LAMA2: variants seen among roughly 807,000 people sequenced by gnomAD.
LAMA2 encodes the protein laminin subunit alpha 2.
In LAMA2, 269 loss-of-function variants were observed where a neutral mutation model predicts 364.8. The ratio of observed to expected loss-of-function variants is 0.74; its 90% confidence interval spans 0.67 to 0.82. LAMA2 has a LOEUF of 0.82. Among genes scored for constraint, LAMA2 ranks in the 40% least tolerant of loss-of-function variants. The pLI is 0.00. For synonymous variants in LAMA2, 1,379 were observed against 1,370.6 expected, an observed-to-expected ratio of 1.01 and a Z score of -0.14; for missense variants, 3,807 against 3,873.2, an observed-to-expected ratio of 0.98 and a Z score of 0.45.
chr6:129,440,725 C>A, intron 42 of LAMA2, 91 bp from the exon 43 acceptor site: 1 of 1,136,318 alleles, frequency 8.8e-7, no homozygotes. Flanking sequence ...TGTCCGAGGT[C>A]AGCCAGCCAC....
chr6:129,077,682 C>A (rs1296392769), intron 3 of LAMA2, among the ~76,000 whole-genome samples: 1 of 152,154 alleles, frequency 6.6e-6, no homozygotes, highest in Admixed American at 6.5e-5. Flanking sequence ...ATATATCTTT[C>A]TTTTAAGAGA....
chr6:129,442,798 A>G (rs778382633), intron 43 of LAMA2: 4 of 476,802 alleles, frequency 8.4e-6, no homozygotes, highest in African/African-American at 4.0e-5. Context: ...TTAATTATCT[A>G]TAAATATTAA....
At chr6:129,355,186 G>A (rs974134026) in intron 32 of LAMA2, among the ~76,000 whole-genome samples, 1 of 152,112 alleles carries the variant, frequency 6.6e-6, no homozygotes, top group African/African-American at 2.4e-5. Flanking sequence ...TAATTATGCT[G>A]TATAGATTTT....
Position 129,098,934 on chromosome 6 carries a change from G to A in LAMA2, c.639+519G>A, listed in dbSNP as rs371765568. Among the ~76,000 whole-genome samples, 27 of 152,264 alleles carry A rather than the reference G, an allele frequency of 1.8e-4. 1 individual carries two copies. The South Asian group carries it at 5.4e-3, about 30-fold the overall frequency. ...AGGCTTTGTGGAACAGTAATGTGCA[G>A]GAAGTCTTAGGTTCTCAGTGATGTG... On this transcript the variant is annotated intron_variant, in intron 4 of 64. Transcript: ENST00000421865.
In LAMA2 at chr6:129,460,272, G is replaced by A; in HGVS notation, c.6940G>A (p.Gly2314Ser). ...GETYFDNKPIGLWNFREKEGD... is the reference protein window; with the variant it reads ...GETYFDNKPISLWNFREKEGD... ...AACATACTTTGACAACAAACCTATA[G>A]GTTTGTGGAATTTCCGAGAAAAAGA... Residue 2314 changes from glycine (G) to serine (S), a missense_variant, in exon 49 of 65, where the codon GGT (glycine) becomes AGT (serine). By Grantham distance (56) the Gly-to-Ser change is moderately conservative (BLOSUM62 0). Coordinates refer to ENST00000421865, the MANE Select transcript of LAMA2 (RefSeq NM_000426.4). 6.2e-7 allele frequency: 1 copy of A among 1,612,266 alleles called. No homozygotes were observed. Among genetic ancestry groups the A allele is most frequent in the Non-Finnish European group, 8.5e-7 (1 of 1,178,740 alleles).
intron 62 of LAMA2, among the ~76,000 whole-genome samples, chr6:129,511,844 CTCTT>C (rs1461745088): frequency 2.6e-5 from 4 of 152,024 alleles, no homozygotes; most frequent in Non-Finnish European, 2.9e-5. Flanking sequence ...TACAGTTTCT[CTCTT>C]TATTAATAAA....
chr6:129,323,765 C>T (rs975323718), intron 28 of LAMA2, among the ~76,000 whole-genome samples: 1 of 152,146 alleles, frequency 6.6e-6, no homozygotes, highest in African/African-American at 2.4e-5. Context: ...TTCAGCCTTG[C>T]GTGTGCAGCT....
At chr6:129,099,454 G>T (rs1003770295) in intron 4 of LAMA2, among the ~76,000 whole-genome samples, 2 of 151,886 alleles carry the variant, frequency 1.3e-5, no homozygotes, top group African/African-American at 4.8e-5. Context: ...TATTTCTTTA[G>T]TATGTTTCCC....
chr6:129,353,377 TGTTA>T lies in LAMA2; in HGVS notation c.4717+24_4717+27del. The T allele has an allele frequency of 6.2e-7, 1 of 1,604,624 alleles. No homozygotes were observed. The highest frequency in any genetic ancestry group is 8.5e-7 in the Non-Finnish European group (1 of 1,172,170). On this transcript the variant is annotated intron_variant, in intron 32 of 64. Transcript: ENST00000421865. ...GTGTTTGTACGTATACTAACTTTGC[TGTTA>T]GTTTTGGAGGCCTTGATTCCAGTTC... is the stretch of plus-strand genomic sequence containing the variant.
At chr6:128,887,281 T>A (rs1232608388) in intron 1 of LAMA2, among the ~76,000 whole-genome samples, 3 of 152,174 alleles carry the variant, frequency 2.0e-5, no homozygotes, top group Non-Finnish European at 4.4e-5. Context: ...TTAATTTTTT[T>A]AAATATTTTT....
chr6:129,150,406 A>T (rs1372981864), intron 7 of LAMA2, among the ~76,000 whole-genome samples: 2 of 152,156 alleles, frequency 1.3e-5, no homozygotes, highest in Non-Finnish European at 2.9e-5. Context: ...GAATATCAGT[A>T]ATCATAAGTG....
chr6:128,978,345 CT>C lies in LAMA2; in HGVS notation c.113-71570del, dbSNP rs776971952. Among the ~76,000 whole-genome samples, 11 of 147,586 alleles carry C rather than the reference CT, an allele frequency of 7.5e-5. No homozygotes were observed. The South Asian group carries it at 1.1e-3, about 14-fold the overall frequency. ...TAAGCAAAAGTACCTGCCCTTCTTT[CT>C]TTCTTTTTTTTTTTTTTTTTTGAGA... On this transcript the variant is annotated intron_variant, in intron 1 of 64. Coordinates refer to ENST00000421865, the MANE Select transcript of LAMA2 (RefSeq NM_000426.4).
At chr6:129,481,509 T>A (rs887169093) in intron 55 of LAMA2, 70 bp downstream of exon 55, 47 of 1,303,506 alleles carry the variant, frequency 3.6e-5, no homozygotes, top group Non-Finnish European at 5.2e-5. Flanking sequence ...TACTTTTGTA[T>A]TTTTAGTTTC....
At chr6:129,474,546 A>G (rs1783975023) in intron 52 of LAMA2, among the ~76,000 whole-genome samples, 1 of 152,168 alleles carries the variant, frequency 6.6e-6, no homozygotes, top group African/African-American at 2.4e-5. Context: ...TTGAGTATCT[A>G]CTATGTGACA....
At chr6:129,513,457 G>A (rs1306914318) in intron 63 of LAMA2, among the ~76,000 whole-genome samples, 1 of 152,080 alleles carries the variant, frequency 6.6e-6, no homozygotes, top group East Asian at 1.9e-4. Flanking sequence ...TTCTCACCAA[G>A]CTCCTTTTAC....
At chr6:129,267,310 A>G in intron 16 of LAMA2, 91 bp downstream of exon 16, 1 of 867,274 alleles carries the variant, frequency 1.2e-6, no homozygotes, top group South Asian at 1.3e-5. Flanking sequence ...GGGGACCTTA[A>G]ACACTTGAGT....
chr6:129,262,099 C>G (rs1787178032), intron 15 of LAMA2, among the ~76,000 whole-genome samples: 1 of 152,072 alleles, frequency 6.6e-6, no homozygotes, highest in Non-Finnish European at 1.5e-5. Context: ...TATACAAATT[C>G]TAAGTGCCCA....
chr6:129,449,229 C>T (rs1295394987), intron 45 of LAMA2, among the ~76,000 whole-genome samples: 2 of 152,208 alleles, frequency 1.3e-5, no homozygotes, highest in African/African-American at 4.8e-5. Flanking sequence ...TAGTCCACTT[C>T]ATGCTGCTGT....
At chr6:129,242,507 C>T (rs1785462066) in intron 12 of LAMA2, among the ~76,000 whole-genome samples, 1 of 151,862 alleles carries the variant, frequency 6.6e-6, no homozygotes, top group Non-Finnish European at 1.5e-5. Context: ...TTGGCAGAGA[C>T]CTTGAAAAAA....
Sources: allele counts gnomAD v4.1 joint callset (sites outside exome capture counted in the v4.1 genomes callset), GRCh38; gene constraint gnomAD v4.1.1; transcripts MANE v1.5; gene names NCBI Gene and HGNC (gene_info 2026-07-23, HGNC 2026-07-21).